KCNIP4: variants seen among roughly 807,000 people sequenced by gnomAD.
The protein encoded by KCNIP4 is potassium voltage-gated channel interacting protein 4, also known as Kv channel-interacting protein 4.
KCNIP4 carries 12 observed loss-of-function variants against 34.0 expected under a neutral mutation model. The ratio of observed to expected loss-of-function variants is 0.35; its 90% CI spans 0.23 to 0.57. The LOEUF (loss-of-function observed/expected upper bound fraction) is 0.57, where lower values mean the gene tolerates loss of function less well. Ranked by LOEUF, KCNIP4 falls within the 20% of genes least tolerant of loss-of-function variation. The pLI, the probability that KCNIP4 is intolerant of heterozygous loss-of-function variation, is 0.83. For synonymous variants in KCNIP4, 124 were observed against 102.2 expected (o/e 1.21, Z -1.29); for missense variants, 238 against 311.7 (o/e 0.76, Z 1.78).
chr4:21,005,293 G>A (rs760137990), intron 1 of KCNIP4, among the ~76,000 whole-genome samples: 1 of 152,138 alleles, frequency 6.6e-6, no homozygotes, highest in Non-Finnish European at 1.5e-5. Flanking sequence ...AGCTGGCCAC[G>A]TGTTTTCCCT....
intron 1 of KCNIP4, among the ~76,000 whole-genome samples, chr4:21,133,526 C>A (rs1281797357): frequency 6.6e-6 from 1 of 152,140 alleles, no homozygotes; most frequent in Non-Finnish European, 1.5e-5. Flanking sequence ...GTCTTCTATT[C>A]TGCCCAGGCT....
At chr4:21,482,818 T>C (rs979667390) in intron 1 of KCNIP4, among the ~76,000 whole-genome samples, 3 of 152,108 alleles carry the variant, frequency 2.0e-5, no homozygotes, top group Non-Finnish European at 2.9e-5. Flanking sequence ...AGGAGTATCT[T>C]TGTGGCATCC....
At chr4:21,052,146 C>T (rs1327636225) in intron 1 of KCNIP4, among the ~76,000 whole-genome samples, 1 of 152,144 alleles carries the variant, frequency 6.6e-6, no homozygotes, top group African/African-American at 2.4e-5. Flanking sequence ...ATCATATTCC[C>T]TCCCATCCAT....
intron 1 of KCNIP4, among the ~76,000 whole-genome samples, chr4:21,560,825 C>T (rs952121562): frequency 2.0e-5 from 3 of 151,832 alleles, no homozygotes; most frequent in Middle Eastern, 3.2e-3. Flanking sequence ...ATTTCTGTAA[C>T]CCTCTAGGAG....
At chr4:20,815,727 C>T (rs760346150) in intron 3 of KCNIP4, among the ~76,000 whole-genome samples, 12 of 152,074 alleles carry the variant, frequency 7.9e-5, no homozygotes, top group Non-Finnish European at 1.6e-4. Flanking sequence ...TATATATTAT[C>T]AATATTAATG....
At chr4:21,203,249 G>A (rs1756618365) in intron 1 of KCNIP4, among the ~76,000 whole-genome samples, 1 of 152,136 alleles carries the variant, frequency 6.6e-6, no homozygotes, top group South Asian at 2.1e-4. Flanking sequence ...TTGGCCCTGT[G>A]GGGAACTGCA....
At chr4:21,566,286 A>G (rs1739881253) in intron 1 of KCNIP4, among the ~76,000 whole-genome samples, 1 of 152,136 alleles carries the variant, frequency 6.6e-6, no homozygotes, top group Admixed American at 6.5e-5. Context: ...AGGTGAATAG[A>G]CCTATTGATA....
chr4:21,172,682 T>C (rs1366729222), intron 1 of KCNIP4, among the ~76,000 whole-genome samples: 1 of 152,166 alleles, frequency 6.6e-6, no homozygotes, highest in Admixed American at 6.5e-5. Flanking sequence ...TGTGCAAGGA[T>C]GGTAAAACAT....
At chr4:21,459,524 C>T (rs866833570) in intron 1 of KCNIP4, among the ~76,000 whole-genome samples, 62 of 152,138 alleles carry the variant, frequency 4.1e-4, no homozygotes, top group African/African-American at 1.3e-3. Flanking sequence ...ATGATTAACA[C>T]TGACAGCTCC....
chr4:21,033,196 C>T (rs898575660), intron 1 of KCNIP4, among the ~76,000 whole-genome samples: 1 of 152,008 alleles, frequency 6.6e-6, no homozygotes, highest in Non-Finnish European at 1.5e-5. Flanking sequence ...AGGCTTTGAC[C>T]CATTCCACAT....
intron 1 of KCNIP4, among the ~76,000 whole-genome samples, chr4:21,508,755 G>C (rs907389007): frequency 1.4e-5 from 2 of 146,614 alleles, no homozygotes; most frequent in Non-Finnish European, 2.9e-5. Flanking sequence ...GAGGCAATTA[G>C]CAAGGGGATG....
At chr4:21,633,121 A>G (rs1427240825) in intron 1 of KCNIP4, among the ~76,000 whole-genome samples, 1 of 152,156 alleles carries the variant, frequency 6.6e-6, no homozygotes, top group Non-Finnish European at 1.5e-5. Context: ...TCCCTCACAA[A>G]AATCTTCTAA....
rs188149331 is a variant in KCNIP4 at position 21,352,482 on chromosome 4, C to A, written c.62-469773G>T. On this transcript the variant is annotated intron_variant, in intron 1 of 8. Transcript: ENST00000382152. ...GCAGACCAGGAGATTCTCTCCTGTG[C>A]CTGGCTCAGTGGGTCCCATGACCAC... Among the ~76,000 whole-genome samples, 56 of 152,344 alleles carry A rather than the reference C, an allele frequency of 3.7e-4. 1 individual carries two copies. The East Asian group carries it at 0.01, about 28-fold the overall frequency.
At chr4:21,814,268 G>C (rs1721837034) in intron 1 of KCNIP4, among the ~76,000 whole-genome samples, 1 of 152,246 alleles carries the variant, frequency 6.6e-6, no homozygotes, top group East Asian at 1.9e-4. Context: ...AATGAAATCT[G>C]ACTGATATGG....
At chr4:21,287,141 A>G (rs984986186) in intron 1 of KCNIP4, among the ~76,000 whole-genome samples, 3 of 152,142 alleles carry the variant, frequency 2.0e-5, no homozygotes, top group Non-Finnish European at 4.4e-5. Context: ...TTTAGATACT[A>G]CTGTTGCTCC....
chr4:21,585,276 C>T (rs564659798), intron 1 of KCNIP4, among the ~76,000 whole-genome samples: 137 of 152,070 alleles, frequency 9.0e-4, no homozygotes, highest in Non-Finnish European at 1.3e-3. Flanking sequence ...CTTCCCAAGT[C>T]GGTAGAGACC....
intron 1 of KCNIP4, among the ~76,000 whole-genome samples, chr4:21,097,473 G>A (rs1392156159): frequency 1.3e-5 from 2 of 152,050 alleles, no homozygotes; most frequent in Non-Finnish European, 2.9e-5. Context: ...GAGTCAATGG[G>A]AGTCATTCTG....
At chr4:21,041,474 T>C (rs1164564058) in intron 1 of KCNIP4, among the ~76,000 whole-genome samples, 1 of 152,078 alleles carries the variant, frequency 6.6e-6, no homozygotes, top group Admixed American at 6.6e-5. Context: ...GTAAAACAAT[T>C]CCAAATTAAA....
chr4:21,177,304 A>G (rs1206461203), intron 1 of KCNIP4, among the ~76,000 whole-genome samples: 1 of 152,160 alleles, frequency 6.6e-6, no homozygotes, highest in Non-Finnish European at 1.5e-5. Context: ...AGCTTTTTGG[A>G]GTTTTAATTC....
Sources: allele counts gnomAD v4.1 joint callset (sites outside exome capture counted in the v4.1 genomes callset), GRCh38; gene constraint gnomAD v4.1.1; transcripts MANE v1.5; gene names NCBI Gene and HGNC (gene_info 2026-07-23, HGNC 2026-07-21).